PITPNB: variants seen among roughly 807,000 people sequenced by gnomAD.
PITPNB encodes phosphatidylinositol transfer protein beta, also known as phosphatidylinositol transfer protein beta isoform.
In PITPNB, 16 loss-of-function variants were observed where a neutral mutation model predicts 45.9. That is an observed-to-expected ratio of 0.35 (90% CI 0.24 to 0.53). PITPNB has a LOEUF of 0.53. Ranked by LOEUF, PITPNB falls within the 20% of genes least tolerant of loss-of-function variation. The probability of loss-of-function intolerance (pLI) is 0.93; values close to 1 mark genes in which losing one functional copy is unlikely to be tolerated. For missense variants in PITPNB, 188 were observed against 330.5 expected (o/e 0.57, Z 3.34); for synonymous variants, 112 against 108.9 (o/e 1.03, Z -0.18).
rs536688787 is a variant in PITPNB, at chr22:27,877,951, C to T, written c.457-4136G>A. On this transcript the variant is annotated intron_variant, in intron 7 of 11. Coordinates refer to ENST00000335272, the MANE Select transcript of PITPNB (RefSeq NM_012399.5). Reference sequence around the variant, plus strand: ...GCACCTGCTTATAAAAGATCAACCCCTATTTTCTATCCTGTGGAGAGGGGG... The same window carrying T: ...GCACCTGCTTATAAAAGATCAACCCTTATTTTCTATCCTGTGGAGAGGGGG... 1.4e-4 allele frequency among the ~76,000 whole-genome samples: 22 copies of T among 152,286 alleles called. No homozygotes were observed. In the South Asian group the frequency reaches 4.6e-3, roughly 32 times the overall value.
chr22:27,886,327 A>C (rs554644981), intron 7 of PITPNB, among the ~76,000 whole-genome samples: 1 of 145,138 alleles, frequency 6.9e-6, no homozygotes, highest in East Asian at 1.9e-4. Context: ...AGTCATATAC[A>C]GACTTCCCAC....
In PITPNB at chr22:27,851,735, CAA is replaced by C. The variant is rs1397591708; in HGVS notation, c.*1965_*1966del. On this transcript the variant is annotated 3_prime_UTR_variant, in exon 12 of 12. Transcript: ENST00000335272. ...TTACTTTGTTTTACTGTAATTTACACAAGAGACTGGCAAGTAAACTAGGTATT... is the reference window on the plus strand; with the variant it reads ...TTACTTTGTTTTACTGTAATTTACACGAGACTGGCAAGTAAACTAGGTATT... 1.3e-5 allele frequency: 2 copies of C among 152,164 alleles called. No homozygotes were observed. Among genetic ancestry groups the C allele is most frequent in the African/African-American group, 4.8e-5 (2 of 41,442 alleles). 9.4% of individuals were successfully genotyped at this position (152,164 alleles called of 1,614,324 possible).
intron 10 of PITPNB, 112 bp downstream of exon 10, chr22:27,858,275 G>C (rs1439471757): frequency 1.2e-6 from 1 of 805,234 alleles, no homozygotes; most frequent in Non-Finnish European, 2.0e-6. Flanking sequence ...AAGTAGAATA[G>C]GGAATGATTT....
intron 1 of PITPNB, among the ~76,000 whole-genome samples, chr22:27,917,937 G>A (rs937608275): frequency 6.6e-6 from 1 of 152,188 alleles, no homozygotes; most frequent in Non-Finnish European, 1.5e-5. Flanking sequence ...TCTGAGCAAA[G>A]ACCTGGAAGA....
At chr22:27,889,092 A>G (rs1246477790) in intron 7 of PITPNB, among the ~76,000 whole-genome samples, 1 of 152,246 alleles carries the variant, frequency 6.6e-6, no homozygotes, top group Admixed American at 6.5e-5. Flanking sequence ...AAGACTAACG[A>G]CAAGCAAGCA....
chr22:27,889,722 G>A (rs1227948753), intron 7 of PITPNB, among the ~76,000 whole-genome samples: 1 of 152,172 alleles, frequency 6.6e-6, no homozygotes, highest in African/African-American at 2.4e-5. Flanking sequence ...TCTCTTGTAG[G>A]TGCTATACAA....
intron 7 of PITPNB, among the ~76,000 whole-genome samples, chr22:27,887,640 C>T (rs1935160725): frequency 6.6e-6 from 1 of 152,036 alleles, no homozygotes; most frequent in East Asian, 1.9e-4. Flanking sequence ...CACTTACTGG[C>T]CTATTCATAG....
intron 11 of PITPNB, 72 bp downstream of exon 11, chr22:27,854,782 T>TCA (rs1367637275): frequency 1.3e-6 from 1 of 765,882 alleles, no homozygotes; most frequent in Non-Finnish European, 2.2e-6. Context: ...GAGCTTCTGC[T>TCA]CAGCAAGTTA....
At chr22:27,857,592 A>G (rs1934208967) in intron 10 of PITPNB, among the ~76,000 whole-genome samples, 1 of 152,210 alleles carries the variant, frequency 6.6e-6, no homozygotes, top group Admixed American at 6.5e-5. Context: ...ACCTGCTGGC[A>G]GGACTCGAGA....
intron 10 of PITPNB, among the ~76,000 whole-genome samples, chr22:27,856,378 AC>A (rs1190620761): frequency 5.3e-5 from 8 of 152,356 alleles, no homozygotes; most frequent in African/African-American, 1.9e-4. Flanking sequence ...CTGCAGGCCC[AC>A]TGCCATAGGT....
intron 8 of PITPNB, among the ~76,000 whole-genome samples, chr22:27,872,358 T>C (rs1934691719): frequency 6.6e-6 from 1 of 151,882 alleles, no homozygotes; most frequent in African/African-American, 2.4e-5. Context: ...CCTCCCAAAG[T>C]ACTGGGATTA....
chr22:27,869,290 C>A (rs1934579609), intron 8 of PITPNB, among the ~76,000 whole-genome samples: 1 of 152,152 alleles, frequency 6.6e-6, no homozygotes, highest in African/African-American at 2.4e-5. Flanking sequence ...AAAATTCTTT[C>A]TTCAGAGGGA....
At chr22:27,889,832 CAAAG>C (rs1935223951) in intron 7 of PITPNB, among the ~76,000 whole-genome samples, 1 of 152,218 alleles carries the variant, frequency 6.6e-6, no homozygotes, top group South Asian at 2.1e-4. Context: ...TTTAGAATAG[CAAAG>C]GTGTTGTGCC....
At chr22:27,875,326 C>T (rs899942197) in intron 7 of PITPNB, among the ~76,000 whole-genome samples, 3 of 152,246 alleles carry the variant, frequency 2.0e-5, no homozygotes, top group Non-Finnish European at 4.4e-5. Flanking sequence ...TACCCAGGAA[C>T]GACAAACTGG....
At chr22:27,862,786 G>T (rs1025979515) in intron 8 of PITPNB, among the ~76,000 whole-genome samples, 1 of 152,196 alleles carries the variant, frequency 6.6e-6, no homozygotes, top group African/African-American at 2.4e-5. Flanking sequence ...TAGAGAAGAG[G>T]ATAATTATGT....
At chr22:27,917,364 T>C (rs1018840800) in intron 1 of PITPNB, among the ~76,000 whole-genome samples, 1 of 152,228 alleles carries the variant, frequency 6.6e-6, no homozygotes, top group Non-Finnish European at 1.5e-5. Context: ...ACTGGATCTA[T>C]TTAAAATCAG....
At chr22:27,868,833 C>T (rs1273613510) in intron 8 of PITPNB, among the ~76,000 whole-genome samples, 4 of 152,104 alleles carry the variant, frequency 2.6e-5, no homozygotes, top group Non-Finnish European at 4.4e-5. Flanking sequence ...AAGGAAGAGA[C>T]GCTTTGACAA....
intron 7 of PITPNB, among the ~76,000 whole-genome samples, chr22:27,880,491 T>G (rs986416578): frequency 1.3e-5 from 2 of 152,094 alleles, no homozygotes; most frequent in South Asian, 4.2e-4. Flanking sequence ...GCAAATCCTA[T>G]TCACACCCCC....
chr22:27,902,865 C>T (rs534929270), intron 3 of PITPNB, among the ~76,000 whole-genome samples: 5 of 152,130 alleles, frequency 3.3e-5, no homozygotes, highest in East Asian at 1.9e-4. Flanking sequence ...CAAACAGGTA[C>T]GCTGTACTGT....
Sources: gnomAD v4.1 joint callset for allele counts (sites outside exome capture counted in the v4.1 genomes callset) on GRCh38, gnomAD v4.1.1 for gene constraint, MANE v1.5 for transcripts, NCBI Gene and HGNC (gene_info 2026-07-23, HGNC 2026-07-21) for gene names.